MEF2C: variants seen among roughly 807,000 people sequenced by gnomAD.
MEF2C encodes myocyte-specific enhancer factor 2C.
MEF2C carries 6 observed loss-of-function variants against 50.5 expected under a neutral mutation model. The observed-to-expected ratio is 0.12, with a 90% CI of 0.07 to 0.23. The LOEUF (loss-of-function observed/expected upper bound fraction) is 0.23, where lower values mean the gene tolerates loss of function less well. Ranked by LOEUF, MEF2C falls within the 10% of genes least tolerant of loss-of-function variation. The probability of loss-of-function intolerance (pLI) is 1.00; values close to 1 mark genes in which losing one functional copy is unlikely to be tolerated. For missense variants in MEF2C, 276 were observed against 605.0 expected, an observed-to-expected ratio of 0.46 and a Z score of 5.70; for synonymous variants, 183 against 228.0, an observed-to-expected ratio of 0.80 and a Z score of 1.78.
At chr5:88,828,940 T>G (rs1811989368) in intron 1 of MEF2C, among the ~76,000 whole-genome samples, 1 of 152,000 alleles carries the variant, frequency 6.6e-6, no homozygotes, top group South Asian at 2.1e-4. Flanking sequence ...AATATACCAT[T>G]ACCTTAGCTA....
intron 1 of MEF2C, among the ~76,000 whole-genome samples, chr5:88,826,050 C>T (rs909829387): frequency 6.6e-6 from 1 of 151,916 alleles, no homozygotes; most frequent in African/African-American, 2.4e-5. Flanking sequence ...GGAGAAAAGT[C>T]TCAGAAAGAC....
intron 2 of MEF2C, among the ~76,000 whole-genome samples, chr5:88,815,598 T>C (rs937833263): frequency 1.8e-4 from 28 of 152,108 alleles, no homozygotes; most frequent in African/African-American, 6.5e-4. Context: ...TCCTTAATGA[T>C]GTCATTTACT....
intron 1 of MEF2C, among the ~76,000 whole-genome samples, chr5:88,895,647 C>G (rs1835042124): frequency 6.6e-6 from 1 of 152,106 alleles, no homozygotes; most frequent in Non-Finnish European, 1.5e-5. Flanking sequence ...TCACTCTCTT[C>G]CCTATACTCA....
chr5:88,763,717 T>C (rs1436281074), intron 3 of MEF2C, among the ~76,000 whole-genome samples: 1 of 151,516 alleles, frequency 6.6e-6, no homozygotes, highest in African/African-American at 2.4e-5. Context: ...CAGTGTGGCG[T>C]GGTCATAGCT....
At chr5:88,816,700 C>T (rs1805597553) in intron 2 of MEF2C, among the ~76,000 whole-genome samples, 1 of 151,650 alleles carries the variant, frequency 6.6e-6, no homozygotes, top group South Asian at 2.1e-4. Flanking sequence ...TAATTCAATT[C>T]TGATGGGTAT....
chr5:88,854,476 C>G (rs771336025), intron 1 of MEF2C, among the ~76,000 whole-genome samples: 1 of 152,152 alleles, frequency 6.6e-6, no homozygotes, highest in Non-Finnish European at 1.5e-5. Flanking sequence ...AAAAGAGACA[C>G]TCAAAAAGTT....
chr5:88,797,455 C>CTTTTTTTTTTT (rs879036291), intron 3 of MEF2C, among the ~76,000 whole-genome samples: 1 of 63,282 alleles, frequency 1.6e-5, no homozygotes, highest in African/African-American at 7.7e-5. Context: ...CAACCCTTGC[C>CTTTTTTTTTTT]TTTTTTTTTT....
At chr5:88,869,582 T>A (rs903537747) in intron 1 of MEF2C, among the ~76,000 whole-genome samples, 2 of 151,338 alleles carry the variant, frequency 1.3e-5, no homozygotes, top group African/African-American at 4.9e-5. Context: ...CAGTCCCTAC[T>A]TACTACACAT....
intron 6 of MEF2C, chr5:88,742,670 G>GTA (rs1472834138): frequency 4.1e-6 from 4 of 985,186 alleles, no homozygotes; most frequent in Admixed American, 1.2e-4. Flanking sequence ...AACCAAAGGG[G>GTA]TCGAAGGCAT....
In MEF2C at chr5:88,779,553, C is replaced by G. The variant is rs572793663; in HGVS notation, c.259-18225G>C. Among the ~76,000 whole-genome samples, 10 of 152,064 alleles carry G rather than the reference C, an allele frequency of 6.6e-5. No homozygotes were observed. The South Asian group carries it at 2.1e-3, about 32-fold the overall frequency. ...GTATTTTGTGCTGGAAACTGCCAGT[C>G]TCACATTAACTGCATGTATATGTGA... On this transcript the variant is annotated intron_variant, in intron 3 of 10. Transcript: ENST00000504921.
intron 6 of MEF2C, chr5:88,743,424 C>T (rs1205305904): frequency 7.1e-6 from 7 of 985,296 alleles, no homozygotes; most frequent in Non-Finnish European, 8.4e-6. Flanking sequence ...ACTTGCAAAA[C>T]AATGGTGCTG....
intron 3 of MEF2C, among the ~76,000 whole-genome samples, chr5:88,778,923 C>T (rs1042545298): frequency 1.3e-5 from 2 of 152,218 alleles, no homozygotes; most frequent in South Asian, 2.1e-4. Flanking sequence ...CCTGACTCAG[C>T]GGAGAAAATG....
chr5:88,781,953 A>C (rs991790584), intron 3 of MEF2C: 4 of 220,458 alleles, frequency 1.8e-5, no homozygotes, highest in Non-Finnish European at 2.3e-5. Flanking sequence ...AGCCTGGGCA[A>C]CAGAGTGAGA....
At chr5:88,877,567 C>A (rs1831449442) in intron 1 of MEF2C, among the ~76,000 whole-genome samples, 1 of 151,812 alleles carries the variant, frequency 6.6e-6, no homozygotes, top group Non-Finnish European at 1.5e-5. Context: ...AATTATTTTT[C>A]TTTCACAGAC....
rs1453153008 is a variant in MEF2C, at chr5:88,719,719, G to A, written c.*2885C>T. The stretch of plus-strand genomic sequence containing the variant: ...TAGACCAAGATTGTTTACAGAAAGT[G>A]ACTCATCAAAATCAAAATTGTGCTT... On this transcript the variant is annotated 3_prime_UTR_variant, in exon 11 of 11. Transcript: ENST00000504921. 2.0e-5 allele frequency: 3 copies of A among 152,144 alleles called. No individual in the cohort carries two copies. Among genetic ancestry groups the A allele is most frequent in the African/African-American group, 7.2e-5 (3 of 41,438 alleles). The allele number at this position is 152,144 out of a possible 1,614,324, so 9.4% of individuals were successfully genotyped here.
chr5:88,823,710 T>TAATAA, intron 2 of MEF2C, 25 bp downstream of exon 2: 1 of 1,573,010 alleles, frequency 6.4e-7, no homozygotes, highest in Non-Finnish European at 8.7e-7. Context: ...TAAATAATGA[T>TAATAA]ACAAAAAAAG....
intron 6 of MEF2C, chr5:88,741,937 A>C: frequency 1.0e-6 from 1 of 985,186 alleles, no homozygotes; most frequent in Middle Eastern, 5.2e-4. Flanking sequence ...TCTTGGTATA[A>C]TACTTAAGTT....
chr5:88,725,345 T>C (rs1219542879), intron 10 of MEF2C, among the ~76,000 whole-genome samples: 1 of 152,128 alleles, frequency 6.6e-6, no homozygotes. Context: ...ATATCTTAGA[T>C]TCAGCTTCAT....
Position 88,835,005 on chromosome 5 carries a change from G to A in MEF2C, c.-142-11075C>T, listed in dbSNP as rs1814503324. On this transcript the variant is annotated intron_variant, in intron 1 of 10. Coordinates refer to ENST00000504921, the MANE Select transcript of MEF2C (RefSeq NM_002397.5). ...AATACTTTGAAGCTCTAGGAATATA[G>A]CATAATGCAAAATGTTTCTAAATTG... Among the ~76,000 whole-genome samples, 3 of 152,026 alleles carry A rather than the reference G, an allele frequency of 2.0e-5. No homozygotes were observed. The South Asian group carries it at 6.2e-4, about 32-fold the overall frequency.
Sources: gnomAD v4.1 joint callset for allele counts (sites outside exome capture counted in the v4.1 genomes callset) on GRCh38, gnomAD v4.1.1 for gene constraint, MANE v1.5 for transcripts, NCBI Gene and HGNC (gene_info 2026-07-23, HGNC 2026-07-21) for gene names.